COMMD10: variants seen among roughly 807,000 people sequenced by gnomAD.
COMMD10 encodes COMM domain containing 10.
Under a neutral mutation model 28.9 loss-of-function variants are expected in COMMD10, and 33 were observed. That is an observed-to-expected ratio of 1.14 (90% CI 0.87 to 1.53). The LOEUF (loss-of-function observed/expected upper bound fraction) is 1.53, where lower values mean the gene tolerates loss of function less well. Ranked by LOEUF, COMMD10 falls within the 40% of genes most tolerant of loss-of-function variation. The pLI is 0.00. For missense variants in COMMD10, 310 were observed against 233.4 expected (o/e 1.33, Z -2.14); for synonymous variants, 110 against 81.7 (o/e 1.35, Z -1.87).
At chr5:116,158,795 C>CT (rs1411718292) in intron 5 of COMMD10, among the ~76,000 whole-genome samples, 1 of 151,476 alleles carries the variant, frequency 6.6e-6, no homozygotes, top group Non-Finnish European at 1.5e-5. Flanking sequence ...GGATCCACAT[C>CT]TAAAACTTTA....
intron 5 of COMMD10, among the ~76,000 whole-genome samples, chr5:116,210,148 A>G (rs1455988688): frequency 6.6e-6 from 1 of 152,150 alleles, no homozygotes; most frequent in East Asian, 1.9e-4. Context: ...AACAGTCTTA[A>G]TCCATTCACA....
At chr5:116,266,383 G>A (rs1370833024) in intron 5 of COMMD10, among the ~76,000 whole-genome samples, 1 of 151,598 alleles carries the variant, frequency 6.6e-6, no homozygotes, top group East Asian at 1.9e-4. Flanking sequence ...CAATGGAAAG[G>A]AGTTGCCCAA....
chr5:116,273,599 C>T (rs543625876), intron 5 of COMMD10, among the ~76,000 whole-genome samples: 20 of 151,858 alleles, frequency 1.3e-4, no homozygotes, highest in African/African-American at 4.4e-4. Flanking sequence ...AGGCATGTAG[C>T]CTGTCTAAAC....
At chr5:116,204,132 A>T (rs1048469922) in intron 5 of COMMD10, among the ~76,000 whole-genome samples, 14 of 152,106 alleles carry the variant, frequency 9.2e-5, no homozygotes, top group African/African-American at 3.4e-4. Context: ...AAAGATCAAA[A>T]GAGACAAAGA....
intron 5 of COMMD10, among the ~76,000 whole-genome samples, chr5:116,221,091 T>A (rs1267393348): frequency 6.6e-6 from 1 of 151,968 alleles, no homozygotes; most frequent in East Asian, 1.9e-4. Context: ...CTTTTTTTTT[T>A]TTTTTTTAAC....
At chr5:116,199,381 G>T (rs1748606894) in intron 5 of COMMD10, among the ~76,000 whole-genome samples, 1 of 152,000 alleles carries the variant, frequency 6.6e-6, no homozygotes, top group South Asian at 2.1e-4. Context: ...GTGATTTGCA[G>T]ATATTCTCTC....
intron 5 of COMMD10, among the ~76,000 whole-genome samples, chr5:116,240,169 A>T (rs928154471): frequency 3.3e-5 from 5 of 152,188 alleles, no homozygotes; most frequent in African/African-American, 9.7e-5. Context: ...TAAGGTACAT[A>T]AATATAAGAA....
At chr5:116,274,992 G>T (rs1049934397) in intron 5 of COMMD10, among the ~76,000 whole-genome samples, 7 of 151,574 alleles carry the variant, frequency 4.6e-5, no homozygotes, top group African/African-American at 1.7e-4. Flanking sequence ...CTTATCCAAA[G>T]ATACTTGGAA....
At chr5:116,118,211 G>T (rs1751305978) in intron 4 of COMMD10, among the ~76,000 whole-genome samples, 1 of 152,132 alleles carries the variant, frequency 6.6e-6, no homozygotes, top group South Asian at 2.1e-4. Context: ...CCCTGATAGT[G>T]CCACCTCCTC....
chr5:116,142,483 CCAAAATAAAACA>C (rs1752225274), intron 5 of COMMD10, among the ~76,000 whole-genome samples: 7 of 151,654 alleles, frequency 4.6e-5, no homozygotes, highest in Non-Finnish European at 1.0e-4. Flanking sequence ...AGGGTATAAA[CCAAAATAAAACA>C]AAACATCTTA....
At chr5:116,247,469 A>G (rs929118670) in intron 5 of COMMD10, among the ~76,000 whole-genome samples, 10 of 152,078 alleles carry the variant, frequency 6.6e-5, no homozygotes, top group Admixed American at 5.3e-4. Flanking sequence ...ATTGCTGGGT[A>G]TATACCCAAA....
At chr5:116,238,643 T>C (rs181449360) in intron 5 of COMMD10, among the ~76,000 whole-genome samples, 5 of 152,254 alleles carry the variant, frequency 3.3e-5, no homozygotes, top group Admixed American at 3.3e-4. Flanking sequence ...CCCCAGGAGT[T>C]CATATTCAAT....
intron 5 of COMMD10, among the ~76,000 whole-genome samples, chr5:116,142,670 A>T (rs571287063): frequency 6.6e-6 from 1 of 151,742 alleles, no homozygotes; most frequent in Non-Finnish European, 1.5e-5. Flanking sequence ...TTAGGAGGCC[A>T]GTAAAAAGCC....
At chr5:116,086,342 A>G (rs1580431932) in intron 1 of COMMD10, among the ~76,000 whole-genome samples, 1 of 152,180 alleles carries the variant, frequency 6.6e-6, no homozygotes, top group Non-Finnish European at 1.5e-5. Context: ...TGTATCCAAT[A>G]TGGTGCAGTA....
At chr5:116,193,682 T>C (rs369396151) in intron 5 of COMMD10, among the ~76,000 whole-genome samples, 2 of 151,958 alleles carry the variant, frequency 1.3e-5, no homozygotes, top group East Asian at 3.9e-4. Flanking sequence ...CAATTACTAA[T>C]AGACCTAAGA....
In COMMD10 at chr5:116,172,139, A is replaced by C. The variant is rs141645205; in HGVS notation, c.510+37961A>C. On this transcript the variant is annotated intron_variant, in intron 5 of 6. Coordinates refer to ENST00000274458, the MANE Select transcript of COMMD10 (RefSeq NM_016144.4). ...CAGCCCAGCAACTTTATTATAGTAC[A>C]TATGGTAAACTGTGTAGAATGTTAA... is the stretch of plus-strand genomic sequence containing the variant. Among the ~76,000 whole-genome samples, 331 of 152,266 alleles carry C rather than the reference A, an allele frequency of 2.2e-3. 2 individuals carry two copies. The highest frequency in any genetic ancestry group is 3.6e-3 in the Non-Finnish European group (242 of 68,010).
intron 1 of COMMD10, chr5:116,085,670 A>G (rs1436629984): frequency 1.3e-5 from 2 of 152,234 alleles, no homozygotes; most frequent in East Asian, 3.8e-4. Context: ...ATGGTAGATA[A>G]AGTTGGTTGT....
At chr5:116,271,349 A>G (rs1750751523) in intron 5 of COMMD10, among the ~76,000 whole-genome samples, 1 of 148,112 alleles carries the variant, frequency 6.8e-6, no homozygotes, top group Admixed American at 6.8e-5. Flanking sequence ...TTATGATTAT[A>G]TAAAATTCCT....
At chr5:116,229,289 C>T (rs955699193) in intron 5 of COMMD10, among the ~76,000 whole-genome samples, 2 of 151,934 alleles carry the variant, frequency 1.3e-5, no homozygotes, top group Admixed American at 1.3e-4. Context: ...GGTTCAGTCT[C>T]TAGGGACAGG....
Sources: gnomAD v4.1 joint callset for allele counts (sites outside exome capture counted in the v4.1 genomes callset) on GRCh38, gnomAD v4.1.1 for gene constraint, MANE v1.5 for transcripts, NCBI Gene and HGNC (gene_info 2026-07-23, HGNC 2026-07-21) for gene names.